CPNE4: variants seen among roughly 807,000 people sequenced by gnomAD.
CPNE4 encodes the protein copine 4.
Under a neutral mutation model 67.9 loss-of-function variants are expected in CPNE4, and 25 were observed. The ratio of observed to expected loss-of-function variants is 0.37; its 90% CI spans 0.27 to 0.51. The LOEUF (loss-of-function observed/expected upper bound fraction) is 0.51. CPNE4 is among the 20% of genes least tolerant of loss of function. The pLI is 0.93. For missense variants in CPNE4, 464 were observed against 690.8 expected, an observed-to-expected ratio of 0.67 and a Z score of 3.68; for synonymous variants, 242 against 244.9, an observed-to-expected ratio of 0.99 and a Z score of 0.11.
chr3:132,030,988 T>C (rs1353604246), intron 1 of CPNE4, among the ~76,000 whole-genome samples: 1 of 152,230 alleles, frequency 6.6e-6, no homozygotes, highest in Non-Finnish European at 1.5e-5. Flanking sequence ...ATCACATAAA[T>C]ACTTTATCCA....
At chr3:131,792,919 G>GTA (rs1377815608) in intron 2 of CPNE4, among the ~76,000 whole-genome samples, 12 of 77,684 alleles carry the variant, frequency 1.5e-4, no homozygotes, top group South Asian at 4.0e-4. Context: ...GTGTGTGTGT[G>GTA]TGTGTGTATC....
intron 2 of CPNE4, among the ~76,000 whole-genome samples, chr3:131,865,280 G>A (rs929725416): frequency 3.3e-5 from 5 of 152,126 alleles, no homozygotes; most frequent in African/African-American, 9.7e-5. Flanking sequence ...CAGAAGGAAT[G>A]GTACCAGCTC....
At chr3:131,713,753 A>C (rs577594072) in intron 3 of CPNE4, among the ~76,000 whole-genome samples, 1 of 152,310 alleles carries the variant, frequency 6.6e-6, no homozygotes, top group South Asian at 2.1e-4. Flanking sequence ...TGTTTCTAGG[A>C]TCCAAAGTTA....
At chr3:131,952,239 C>A (rs1340886367) in intron 1 of CPNE4, among the ~76,000 whole-genome samples, 1 of 149,878 alleles carries the variant, frequency 6.7e-6, no homozygotes, top group African/African-American at 2.5e-5. Context: ...GTGAGGAGCG[C>A]CTCTGCCCGG....
chr3:131,835,838 T>C (rs545064976), intron 2 of CPNE4, among the ~76,000 whole-genome samples: 3 of 152,234 alleles, frequency 2.0e-5, no homozygotes, highest in African/African-American at 2.4e-5. Context: ...CTGCTGCAGA[T>C]AGAGTAGAGT....
chr3:132,001,620 TGAA>T (rs1298680552), intron 1 of CPNE4, among the ~76,000 whole-genome samples: 2 of 117,370 alleles, frequency 1.7e-5, no homozygotes, highest in Non-Finnish European at 3.8e-5. Context: ...AGAAAGAAAA[TGAA>T]GAGGAAGAGG....
At chr3:131,858,165 G>T (rs2086525189) in intron 2 of CPNE4, among the ~76,000 whole-genome samples, 1 of 151,954 alleles carries the variant, frequency 6.6e-6, no homozygotes, top group South Asian at 2.1e-4. Context: ...ACCATGATTT[G>T]TCCTCTGAGA....
At chr3:131,734,410 G>A (rs925417774) in intron 2 of CPNE4, among the ~76,000 whole-genome samples, 2 of 152,204 alleles carry the variant, frequency 1.3e-5, no homozygotes, top group African/African-American at 4.8e-5. Flanking sequence ...TGGTGGAAAT[G>A]TGGTGTTGGG....
chr3:132,002,654 C>T (rs190874347), intron 1 of CPNE4, among the ~76,000 whole-genome samples: 35 of 152,146 alleles, frequency 2.3e-4, no homozygotes, highest in Admixed American at 1.7e-3. Flanking sequence ...TCTGCATCTA[C>T]AGAAAATCAG....
At chr3:131,780,826 A>C (rs890923023) in intron 2 of CPNE4, among the ~76,000 whole-genome samples, 1 of 151,984 alleles carries the variant, frequency 6.6e-6, no homozygotes, top group African/African-American at 2.4e-5. Flanking sequence ...TACCTCTTGA[A>C]CCTAAAATAG....
rs151058368 is a variant in CPNE4, at chr3:131,746,922, C to T, written c.181-23297G>A. 3.6e-3 allele frequency among the ~76,000 whole-genome samples: 542 copies of T among 152,276 alleles called. 1 individual carries two copies. Among genetic ancestry groups the T allele is most frequent in the African/African-American group, 0.01 (433 of 41,560 alleles). ...AAGGGTTTCCTTTCCTCCACATCCTCACAAACACTCATTTTCTCTTGATTT... is the reference window on the plus strand; with the variant it reads ...AAGGGTTTCCTTTCCTCCACATCCTTACAAACACTCATTTTCTCTTGATTT... On this transcript the variant is annotated intron_variant, in intron 2 of 15. Transcript: ENST00000429747.
intron 7 of CPNE4, among the ~76,000 whole-genome samples, chr3:131,627,493 G>C (rs1165240241): frequency 6.7e-6 from 1 of 149,986 alleles, no homozygotes; most frequent in Non-Finnish European, 1.5e-5. Context: ...GCAGCCCATG[G>C]ATCAAGGTGT....
At position 131,698,761 on chromosome 3, in the gene CPNE4, T is replaced by C. The variant is rs561801400; in HGVS notation, c.432+1148A>G. Among the ~76,000 whole-genome samples, 5 of 151,754 alleles carry C rather than the reference T, an allele frequency of 3.3e-5. No homozygotes were observed. In the East Asian group the frequency reaches 9.7e-4, roughly 29 times the overall value. On this transcript the variant is annotated intron_variant, in intron 4 of 15. Transcript: ENST00000429747. ...TCCATCTCTACTAAAAATACAAAAA[T>C]TAGCTGGGTGTGGTGGTGGGCACCT...
At chr3:131,614,242 G>A (rs577133057) in intron 7 of CPNE4, among the ~76,000 whole-genome samples, 11 of 152,306 alleles carry the variant, frequency 7.2e-5, no homozygotes, top group African/African-American at 9.6e-5. Flanking sequence ...CCCAGCATGT[G>A]CTCAGTAGGC....
At chr3:131,592,755 T>C (rs1938615766) in intron 7 of CPNE4, among the ~76,000 whole-genome samples, 1 of 152,190 alleles carries the variant, frequency 6.6e-6, no homozygotes, top group South Asian at 2.1e-4. Context: ...CATTCTTTGA[T>C]TGAAACTGTA....
At chr3:132,017,203 A>C (rs750323846) in intron 1 of CPNE4, among the ~76,000 whole-genome samples, 8 of 152,178 alleles carry the variant, frequency 5.3e-5, no homozygotes, top group Non-Finnish European at 8.8e-5. Flanking sequence ...GAAAGGCGGT[A>C]AGGAATGAGC....
At position 131,858,614 on chromosome 3, in the gene CPNE4, C is replaced by T. The variant is rs530518046; in HGVS notation, c.180+46650G>A. Among the ~76,000 whole-genome samples, 14 of 152,182 alleles carry T rather than the reference C, an allele frequency of 9.2e-5. 1 individual carries two copies. The highest frequency in any genetic ancestry group is 3.1e-4 in the African/African-American group (13 of 41,534). On this transcript the variant is annotated intron_variant, in intron 2 of 15. Transcript: ENST00000429747. ...TAAAAACTTTTAGACATTTTTCTCC[C>T]TTGAATGTCATCACACCAGTGAAAC...
At chr3:131,629,391 C>CT (rs60081636) in intron 7 of CPNE4, among the ~76,000 whole-genome samples, 41,246 of 151,290 alleles carry the variant, frequency 0.27, 9,156 homozygotes, top group African/African-American at 0.61. Context: ...GTATGTTCAT[C>CT]TTTTTTTTTC....
chr3:131,823,761 C>A (rs1265958589), intron 2 of CPNE4, among the ~76,000 whole-genome samples: 2 of 152,232 alleles, frequency 1.3e-5, no homozygotes, highest in East Asian at 3.9e-4. Flanking sequence ...GTTTAAATGA[C>A]CATATATCAA....
Sources: gnomAD v4.1 joint callset for allele counts (sites outside exome capture counted in the v4.1 genomes callset) on GRCh38, gnomAD v4.1.1 for gene constraint, MANE v1.5 for transcripts, NCBI Gene and HGNC (gene_info 2026-07-23, HGNC 2026-07-21) for gene names.